Variants in TRIM2 observed in about 807,000 individuals in gnomAD.
TRIM2 encodes tripartite motif containing 2.
Under a neutral mutation model 75.2 loss-of-function variants are expected in TRIM2, and 20 were observed. That is an observed-to-expected ratio of 0.27 (90% CI 0.19 to 0.39). The LOEUF (loss-of-function observed/expected upper bound fraction) is 0.39, where lower values mean the gene tolerates loss of function less well. Among genes scored for constraint, TRIM2 ranks in the 10% least tolerant of loss-of-function variants. TRIM2 has a pLI of 1.00. For missense variants in TRIM2, 660 were observed against 990.8 expected (o/e 0.67, Z 4.48); for synonymous variants, 373 against 388.3 (o/e 0.96, Z 0.46).
At chr4:153,182,937 G>C (rs900488107) in intron 1 of TRIM2, among the ~76,000 whole-genome samples, 2 of 152,130 alleles carry the variant, frequency 1.3e-5, no homozygotes, top group Non-Finnish European at 2.9e-5. Context: ...CACTGTCCCA[G>C]GCCGTGACCT....
intron 1 of TRIM2, among the ~76,000 whole-genome samples, chr4:153,170,492 G>T (rs1434209432): frequency 1.3e-5 from 2 of 152,150 alleles, no homozygotes; most frequent in Non-Finnish European, 2.9e-5. Context: ...TAGTTGCAAA[G>T]CATCTGCCGC....
In TRIM2 at chr4:153,339,086, G is replaced by A; in HGVS notation, c.*4120G>A. On this transcript the variant is annotated 3_prime_UTR_variant, in exon 12 of 12. Coordinates refer to ENST00000338700, the MANE Select transcript of TRIM2 (RefSeq NM_015271.5). ...TGATACTGATATATTCTCGTCATTT[G>A]TTCTTTTATGAATCAAAATGTTGAC... 1 of 985,248 alleles carries A rather than the reference G, an allele frequency of 1.0e-6. No individual in the cohort carries two copies. Among genetic ancestry groups the A allele is most frequent in the Non-Finnish European group, 1.2e-6 (1 of 829,794 alleles). The allele number at this position is 985,248 out of a possible 1,614,324, so 61.0% of individuals were successfully genotyped here.
rs2289409 is a variant in TRIM2 at position 153,276,082 on chromosome 4, T to A, written c.405T>A (p.Thr135=). The A allele has an allele frequency of 2.5e-6, 4 of 1,613,992 alleles. No homozygotes were observed. Among genetic ancestry groups the A allele is most frequent in the African/African-American group, 2.7e-5 (2 of 74,886 alleles). The part of the protein sequence containing the change: ...AEESSILETV[T]AVAAGKPLSC... ...AGTCTTCCATCCTGGAGACAGTCAC[T>A]GCTGTGGCTGCGGGAAAGCCTCTCT... Residue 135 remains threonine (T), a synonymous_variant, in exon 3 of 12, where the codon ACT becomes ACA. Transcript: ENST00000338700.
chr4:153,269,273 G>A (rs551226479), intron 1 of TRIM2, among the ~76,000 whole-genome samples: 1 of 152,324 alleles, frequency 6.6e-6, no homozygotes, highest in Non-Finnish European at 1.5e-5. Context: ...CTAGACAAAA[G>A]AAAGAGGGGT....
chr4:153,242,636 T>G (rs1746942010), intron 1 of TRIM2, among the ~76,000 whole-genome samples: 1 of 152,246 alleles, frequency 6.6e-6, no homozygotes, highest in Non-Finnish European at 1.5e-5. Context: ...GCTTGTTGTA[T>G]TCCCATTTGT....
chr4:153,204,784 C>G (rs1734937287), intron 1 of TRIM2, among the ~76,000 whole-genome samples: 1 of 152,156 alleles, frequency 6.6e-6, no homozygotes, highest in East Asian at 1.9e-4. Context: ...GGGAGAGACA[C>G]AGCTGGATTT....
chr4:153,164,742 G>A (rs187647301), intron 1 of TRIM2, among the ~76,000 whole-genome samples: 7 of 152,192 alleles, frequency 4.6e-5, no homozygotes, highest in African/African-American at 1.4e-4. Flanking sequence ...TATAGTAGAT[G>A]AGAACTTAGC....
intron 3 of TRIM2, among the ~76,000 whole-genome samples, chr4:153,291,710 G>A (rs554729526): frequency 1.3e-5 from 2 of 151,922 alleles, no homozygotes; most frequent in Admixed American, 6.6e-5. Flanking sequence ...TCATTGTCAG[G>A]GTCATATTTT....
intron 1 of TRIM2, among the ~76,000 whole-genome samples, chr4:153,164,243 A>G (rs1364858840): frequency 6.6e-6 from 1 of 152,192 alleles, no homozygotes; most frequent in Non-Finnish European, 1.5e-5. Context: ...GCCTCAAGCA[A>G]TCTTCCTAAC....
intron 3 of TRIM2, among the ~76,000 whole-genome samples, chr4:153,292,471 T>A (rs1384188163): frequency 6.6e-6 from 1 of 152,232 alleles, no homozygotes; most frequent in African/African-American, 2.4e-5. Context: ...TTAAAATTTT[T>A]TGTAGAGACA....
chr4:153,156,051 C>T (rs1729201344), intron 1 of TRIM2, among the ~76,000 whole-genome samples: 1 of 152,214 alleles, frequency 6.6e-6, no homozygotes, highest in South Asian at 2.1e-4. Context: ...ATCTCCAGAT[C>T]TTTAGAGGTT....
At position 153,181,001 on chromosome 4, in the gene TRIM2, G is replaced by A. The variant is rs145322962; in HGVS notation, c.-49+27731G>A. Among the ~76,000 whole-genome samples the A allele has an allele frequency of 7.7e-3, 1,177 of 152,344 alleles. 10 individuals carry two copies. Among genetic ancestry groups the A allele is most frequent in the African/African-American group, 0.027 (1,102 of 41,576 alleles). On this transcript the variant is annotated intron_variant, in intron 1 of 11. Coordinates refer to the TRIM2 transcript ENST00000437508. ...AGTGTCACAAAGAGCCCCAGCAGGGGTTGGTGAGCCCACCTTGCATATAGA... is the reference window on the plus strand; with the variant it reads ...AGTGTCACAAAGAGCCCCAGCAGGGATTGGTGAGCCCACCTTGCATATAGA...
chr4:153,324,971 C>T (rs1769835832), intron 10 of TRIM2, among the ~76,000 whole-genome samples: 1 of 152,054 alleles, frequency 6.6e-6, no homozygotes, highest in African/African-American at 2.4e-5. Context: ...ATACATTAAT[C>T]TAAATTTTAA....
At chr4:153,333,871 C>T (rs1344418381) in intron 11 of TRIM2, among the ~76,000 whole-genome samples, 3 of 152,032 alleles carry the variant, frequency 2.0e-5, no homozygotes, top group African/African-American at 7.2e-5. Context: ...GGTGCAAATA[C>T]TAGGCTATTT....
At chr4:153,247,471 T>C (rs904616331) in intron 1 of TRIM2, among the ~76,000 whole-genome samples, 6 of 151,950 alleles carry the variant, frequency 3.9e-5, no homozygotes, top group African/African-American at 1.2e-4. Context: ...AGGTCAGGAG[T>C]TTGAGATCAG....
At chr4:153,232,627 G>A (rs1008950157) in intron 1 of TRIM2, among the ~76,000 whole-genome samples, 5 of 152,154 alleles carry the variant, frequency 3.3e-5, no homozygotes, top group Admixed American at 2.0e-4. Flanking sequence ...GGAAGGAAGG[G>A]AGGGAACTAG....
intron 6 of TRIM2, among the ~76,000 whole-genome samples, chr4:153,298,835 G>A (rs1198697458): frequency 6.6e-6 from 1 of 152,102 alleles, no homozygotes; most frequent in African/African-American, 2.4e-5. Flanking sequence ...CTGGGCTCAG[G>A]TGATCCTCCC....
chr4:153,244,437 T>TCTTCTTCTTCTTCTTCTTCTTCC, intron 1 of TRIM2, among the ~76,000 whole-genome samples: 1 of 102,522 alleles, frequency 9.8e-6, no homozygotes, highest in Non-Finnish European at 1.8e-5. Flanking sequence ...TTCTTCTTCT[T>TCTTCTTCTTCTTCTTCTTCTTCC]TTAATTAGAG....
intron 2 of TRIM2, among the ~76,000 whole-genome samples, chr4:153,271,461 G>A (rs75076176): frequency 6.6e-6 from 1 of 152,064 alleles, no homozygotes; most frequent in African/African-American, 2.4e-5. Flanking sequence ...ACTTTGCAAG[G>A]TTCAATTGCA....
Sources: allele counts gnomAD v4.1 joint callset (sites outside exome capture counted in the v4.1 genomes callset), GRCh38; gene constraint gnomAD v4.1.1; transcripts MANE v1.5; gene names NCBI Gene and HGNC (gene_info 2026-07-23, HGNC 2026-07-21).